Variants in RHOA observed in about 807,000 individuals in gnomAD.
The protein encoded by RHOA is transforming protein RhoA.
In RHOA, 3 loss-of-function variants were observed where a neutral mutation model predicts 17.5. That is an observed-to-expected ratio of 0.17 (90% CI 0.08 to 0.44). The LOEUF is 0.44. Ranked by LOEUF, RHOA falls within the 20% of genes least tolerant of loss-of-function variation. The probability of loss-of-function intolerance (pLI) is 0.99; values close to 1 mark genes in which losing one functional copy is unlikely to be tolerated. For synonymous variants in RHOA, 98 were observed against 88.4 expected (o/e 1.11, Z -0.61); for missense variants, 56 against 242.3 (o/e 0.23, Z 5.10).
chr3:49,389,185 A>C (rs1575665841), intron 1 of RHOA, among the ~76,000 whole-genome samples: 1 of 151,822 alleles, frequency 6.6e-6, no homozygotes, highest in Non-Finnish European at 1.5e-5. Context: ...CTACAAAAAT[A>C]CAAAAAAAAA....
chr3:49,368,960 G>C (rs1182284925), intron 2 of RHOA, among the ~76,000 whole-genome samples: 2 of 145,124 alleles, frequency 1.4e-5, no homozygotes, highest in African/African-American at 5.2e-5. Flanking sequence ...GTCCGCCTCG[G>C]CCTCCCAAAG....
intron 2 of RHOA, among the ~76,000 whole-genome samples, chr3:49,374,589 C>A (rs779017348): frequency 6.6e-6 from 1 of 151,700 alleles, no homozygotes; most frequent in Admixed American, 6.6e-5. Context: ...TGGCGGCGTG[C>A]GCCTGTAATC....
At chr3:49,387,528 G>A (rs112268496) in intron 1 of RHOA, among the ~76,000 whole-genome samples, 3,248 of 150,498 alleles carry the variant, frequency 0.022, 112 homozygotes, top group African/African-American at 0.075. Context: ...GGCAGATCAC[G>A]AGGTCAGCAT....
chr3:49,364,608 C>A (rs1320836458), intron 3 of RHOA, among the ~76,000 whole-genome samples: 1 of 151,502 alleles, frequency 6.6e-6, no homozygotes, highest in Non-Finnish European at 1.5e-5. Context: ...TTGCAGTGAG[C>A]CAAGATCGTG....
At chr3:49,391,296 G>A (rs2107879467) in intron 1 of RHOA, among the ~76,000 whole-genome samples, 1 of 151,596 alleles carries the variant, frequency 6.6e-6, no homozygotes, top group South Asian at 2.1e-4. Context: ...GGAGGCTGAG[G>A]CAGGAAGATC....
At chr3:49,390,370 C>T (rs2048478419) in intron 1 of RHOA, among the ~76,000 whole-genome samples, 1 of 151,896 alleles carries the variant, frequency 6.6e-6, no homozygotes, top group Non-Finnish European at 1.5e-5. Flanking sequence ...ACCTTGTGAT[C>T]CACCTGCCTC....
At chr3:49,397,571 T>G (rs148036300) in intron 1 of RHOA, among the ~76,000 whole-genome samples, 1 of 152,148 alleles carries the variant, frequency 6.6e-6, no homozygotes, top group Non-Finnish European at 1.5e-5. Context: ...TCTGCCTCAA[T>G]AGCTTTCCCC....
chr3:49,366,852 A>G (rs970859810), intron 3 of RHOA: 3 of 152,130 alleles, frequency 2.0e-5, no homozygotes, highest in Non-Finnish European at 4.4e-5. Flanking sequence ...CGAGGCCACA[A>G]GCAGACCCTC....
chr3:49,382,723 T>C (rs928957757), intron 1 of RHOA, among the ~76,000 whole-genome samples: 4 of 152,126 alleles, frequency 2.6e-5, no homozygotes, highest in Non-Finnish European at 5.9e-5. Context: ...CAGGACCCTA[T>C]GGGATGCAAA....
intron 1 of RHOA, among the ~76,000 whole-genome samples, chr3:49,407,232 G>GTTTTTTTTTTTTTTTTTTT (rs61556875): frequency 4.3e-5 from 3 of 70,020 alleles, no homozygotes; most frequent in Non-Finnish European, 7.6e-5. Context: ...AATCCTTTCC[G>GTTTTTTTTTTTTTTTTTTT]TTTTTTTTTT....
At chr3:49,395,512 A>T (rs1039133376) in intron 1 of RHOA, among the ~76,000 whole-genome samples, 1 of 152,100 alleles carries the variant, frequency 6.6e-6, no homozygotes, top group African/African-American at 2.4e-5. Flanking sequence ...CAGGAGTTCA[A>T]GACCAGCCTA....
At chr3:49,378,307 C>T (rs2048266571) in intron 1 of RHOA, among the ~76,000 whole-genome samples, 1 of 117,332 alleles carries the variant, frequency 8.5e-6, no homozygotes, top group South Asian at 3.2e-4. Context: ...AATGCAGTGG[C>T]GTGATCTTGG....
chr3:49,402,210 T>A (rs2048734021), intron 1 of RHOA, among the ~76,000 whole-genome samples: 1 of 152,130 alleles, frequency 6.6e-6, no homozygotes, highest in African/African-American at 2.4e-5. Flanking sequence ...ATGCACAGAA[T>A]CAGGATTTGA....
chr3:49,363,447 A>G (rs1005075084), intron 3 of RHOA, among the ~76,000 whole-genome samples: 1 of 152,148 alleles, frequency 6.6e-6, no homozygotes, highest in African/African-American at 2.4e-5. Context: ...GAAAATAACC[A>G]AAAGAGGCTG....
At chr3:49,393,084 G>A (rs1172265487) in intron 1 of RHOA, among the ~76,000 whole-genome samples, 1 of 152,128 alleles carries the variant, frequency 6.6e-6, no homozygotes, top group African/African-American at 2.4e-5. Flanking sequence ...GCTGAGGCAG[G>A]AGAATCGCTG....
chr3:49,387,605 C>A (rs911734757), intron 1 of RHOA, among the ~76,000 whole-genome samples: 1 of 151,670 alleles, frequency 6.6e-6, no homozygotes, highest in Non-Finnish European at 1.5e-5. Flanking sequence ...ATTAGCCAGG[C>A]GTGGTGGCGG....
intron 1 of RHOA, among the ~76,000 whole-genome samples, chr3:49,410,624 A>G (rs2048916252): frequency 6.6e-6 from 1 of 152,246 alleles, no homozygotes; most frequent in Admixed American, 6.5e-5. Context: ...TGCTCAAAAC[A>G]GTATCTCCGC....
At chr3:49,370,446 C>T (rs996853193) in intron 2 of RHOA, among the ~76,000 whole-genome samples, 1 of 152,052 alleles carries the variant, frequency 6.6e-6, no homozygotes, top group Non-Finnish European at 1.5e-5. Flanking sequence ...GAGGAAGATA[C>T]AAGACTAAGT....
At chr3:49,362,019 C>T (rs943025361) in intron 4 of RHOA, among the ~76,000 whole-genome samples, 22 of 150,810 alleles carry the variant, frequency 1.5e-4, no homozygotes, top group South Asian at 4.2e-4. Context: ...GAAACCCCAT[C>T]TATTAAAAAA....
Sources: allele counts gnomAD v4.1 joint callset (sites outside exome capture counted in the v4.1 genomes callset), GRCh38; gene constraint gnomAD v4.1.1; transcripts MANE v1.5; gene names NCBI Gene and HGNC (gene_info 2026-07-23, HGNC 2026-07-21).